Variants in ROBO2 observed in about 807,000 individuals in gnomAD.
ROBO2 encodes roundabout homolog 2.
In ROBO2, 53 loss-of-function variants were observed where a neutral mutation model predicts 160.8. The observed-to-expected ratio is 0.33, with a 90% confidence interval of 0.26 to 0.41. The LOEUF is 0.41. ROBO2 is among the 10% of genes least tolerant of loss of function. ROBO2 has a pLI of 1.00. For synonymous variants in ROBO2, 664 were observed against 611.7 expected, an observed-to-expected ratio of 1.09 and a Z score of -1.26; for missense variants, 1,577 against 1,722.4, an observed-to-expected ratio of 0.92 and a Z score of 1.49.
intron 2 of ROBO2, among the ~76,000 whole-genome samples, chr3:76,281,076 G>T (rs1708206844): frequency 6.6e-6 from 1 of 151,840 alleles, no homozygotes; most frequent in African/African-American, 2.4e-5. Flanking sequence ...GATGCCAAGA[G>T]GATTTTCTAG....
chr3:77,256,953 A>G (rs1173689190), intron 2 of ROBO2, among the ~76,000 whole-genome samples: 1 of 152,128 alleles, frequency 6.6e-6, no homozygotes, highest in Non-Finnish European at 1.5e-5. Context: ...GCTAATCCAC[A>G]AATTCTGTCC....
chr3:77,314,454 C>A, intron 2 of ROBO2, among the ~76,000 whole-genome samples: 1 of 152,172 alleles, frequency 6.6e-6, no homozygotes, highest in Non-Finnish European at 1.5e-5. Context: ...TGTCTTAAGT[C>A]AAAACAAACT....
intron 2 of ROBO2, among the ~76,000 whole-genome samples, chr3:76,815,837 T>C (rs949338529): frequency 1.3e-5 from 2 of 152,098 alleles, no homozygotes; most frequent in African/African-American, 4.8e-5. Context: ...TATTTAGTAA[T>C]TACTTTCTCC....
chr3:77,476,916 A>G (rs1327018572), intron 2 of ROBO2, among the ~76,000 whole-genome samples: 2 of 152,120 alleles, frequency 1.3e-5, no homozygotes, highest in African/African-American at 4.8e-5. Context: ...TCTGAAGTGT[A>G]ATGAAAACAG....
At chr3:77,241,169 T>C (rs921715099) in intron 2 of ROBO2, among the ~76,000 whole-genome samples, 3 of 152,232 alleles carry the variant, frequency 2.0e-5, no homozygotes, top group Non-Finnish European at 4.4e-5. Flanking sequence ...CAGTGACATA[T>C]TGTAGACATA....
At chr3:76,753,064 A>G (rs901197716) in intron 2 of ROBO2, among the ~76,000 whole-genome samples, 2 of 151,948 alleles carry the variant, frequency 1.3e-5, no homozygotes, top group African/African-American at 4.8e-5. Context: ...GGTATATGCA[A>G]AACATACGTA....
intron 2 of ROBO2, among the ~76,000 whole-genome samples, chr3:76,961,200 A>T (rs1028401784): frequency 6.8e-6 from 1 of 147,480 alleles, no homozygotes. Flanking sequence ...CAGAATTTCC[A>T]TGGATAGTTC....
intron 2 of ROBO2, among the ~76,000 whole-genome samples, chr3:77,150,231 G>C (rs562264127): frequency 1.2e-4 from 18 of 152,252 alleles, no homozygotes; most frequent in African/African-American, 4.3e-4. Flanking sequence ...TAACCAGGCC[G>C]AGTGGAGATG....
intron 2 of ROBO2, among the ~76,000 whole-genome samples, chr3:77,393,685 T>C (rs1443692524): frequency 1.3e-5 from 2 of 150,998 alleles, no homozygotes; most frequent in Non-Finnish European, 3.0e-5. Context: ...TTCATATTTA[T>C]ATAAAGTTTA....
intron 2 of ROBO2, among the ~76,000 whole-genome samples, chr3:76,755,644 T>C (rs1484779752): frequency 6.6e-6 from 1 of 151,874 alleles, no homozygotes; most frequent in Non-Finnish European, 1.5e-5. Flanking sequence ...AACTTCCTTG[T>C]TGTAATGGAC....
intron 9 of ROBO2, among the ~76,000 whole-genome samples, chr3:77,561,164 G>A (rs575524670): frequency 1.2e-3 from 178 of 152,284 alleles, no homozygotes; most frequent in South Asian, 3.7e-3. Flanking sequence ...TGAAATGGCA[G>A]TAACATCCAG....
At chr3:77,622,717 G>A (rs535985306) in intron 23 of ROBO2, among the ~76,000 whole-genome samples, 45 of 152,250 alleles carry the variant, frequency 3.0e-4, no homozygotes, top group Non-Finnish European at 6.0e-4. Flanking sequence ...AGGAAACCAA[G>A]TCTATTACAT....
Position 77,197,141 on chromosome 3 carries a change from G to A in ROBO2, c.388+98801G>A, listed in dbSNP as rs894526161. 5.3e-5 allele frequency among the ~76,000 whole-genome samples: 8 copies of A among 152,138 alleles called. No individual in the cohort carries two copies. The East Asian group carries it at 5.8e-4, about 11-fold the overall frequency. ...ATTTCTGCTGGGTGGGAAGGCTTCC[G>A]TGTGATTTCTCTTGAAGAAAGTCTT... On this transcript the variant is annotated intron_variant, in intron 2 of 25. Coordinates refer to ENST00000461745, the Ensembl canonical transcript of ROBO2.
chr3:76,963,836 C>CAAAAAAAA (rs11407644), intron 2 of ROBO2, among the ~76,000 whole-genome samples: 1 of 106,228 alleles, frequency 9.4e-6, no homozygotes, highest in African/African-American at 3.3e-5. Context: ...TGAGGAACTG[C>CAAAAAAAA]AAAAAAAAAA....
rs57475227 is a variant in ROBO2, at chr3:77,433,486, G to GTATATATATATATATATATA, written c.389-43914_389-43895dup. Among the ~76,000 whole-genome samples the GTATATATATATATATATATA allele has an allele frequency of 6.4e-4, 64 of 99,380 alleles. 1 individual carries two copies. The highest frequency in any genetic ancestry group is 1.3e-3 in the African/African-American group (38 of 28,350). 65.2% of individuals were successfully genotyped at this position (99,380 alleles called of 152,430 possible). ...GATTTTCCTTCTTCTCTGGCAACTT[G>GTATATATATATATATATATA]TATATATATATATATATATATATAT... On this transcript the variant is annotated intron_variant, in intron 2 of 25. Coordinates refer to ENST00000461745, the Ensembl canonical transcript of ROBO2.
intron 2 of ROBO2, among the ~76,000 whole-genome samples, chr3:76,649,852 A>G (rs1048360700): frequency 2.0e-5 from 3 of 152,180 alleles, no homozygotes; most frequent in Admixed American, 6.6e-5. Context: ...TTATAAAACC[A>G]TATTAACAAA....
chr3:76,980,749 A>T lies in ROBO2; in HGVS notation c.110-117265A>T, dbSNP rs926527467. Among the ~76,000 whole-genome samples the T allele has an allele frequency of 6.6e-5, 10 of 152,184 alleles. No individual in the cohort carries two copies. The East Asian group carries it at 1.4e-3, about 21-fold the overall frequency. On this transcript the variant is annotated intron_variant, in intron 2 of 26. Transcript: ENST00000487694. The stretch of plus-strand genomic sequence containing the variant: ...TACCTATTAACATGTATACAAATCA[A>T]TGTTTTTTATTATATTTGCTATGCA...
chr3:77,274,001 A>G (rs2059666577), intron 2 of ROBO2, among the ~76,000 whole-genome samples: 1 of 151,604 alleles, frequency 6.6e-6, no homozygotes, highest in African/African-American at 2.4e-5. Flanking sequence ...TTTTTTTCCC[A>G]TAAGTTAAAG....
intron 2 of ROBO2, among the ~76,000 whole-genome samples, chr3:77,286,502 C>A (rs1432605509): frequency 6.6e-6 from 1 of 152,044 alleles, no homozygotes. Context: ...GTGATCCGAC[C>A]GCCTTGGCCT....
Sources: gnomAD v4.1 joint callset for allele counts (sites outside exome capture counted in the v4.1 genomes callset) on GRCh38, gnomAD v4.1.1 for gene constraint, MANE v1.5 for transcripts, NCBI Gene and HGNC (gene_info 2026-07-23, HGNC 2026-07-21) for gene names.